Variants in CRK observed in about 807,000 individuals in gnomAD.
CRK encodes the protein CRK proto-oncogene, adaptor protein, also known as adapter molecule crk.
CRK carries 4 observed loss-of-function variants against 29.8 expected under a neutral mutation model. The observed-to-expected ratio is 0.13, with a 90% CI of 0.07 to 0.31. The LOEUF (loss-of-function observed/expected upper bound fraction) is 0.31, where lower values mean the gene tolerates loss of function less well. CRK is among the 10% of genes least tolerant of loss of function. The pLI is 1.00. For synonymous variants in CRK, 153 were observed against 164.9 expected, an observed-to-expected ratio of 0.93 and a Z score of 0.55; for missense variants, 274 against 396.5, an observed-to-expected ratio of 0.69 and a Z score of 2.62.
chr17:1,433,509 C>CA lies in CRK; in HGVS notation c.777+3110_777+3111insT, dbSNP rs2073862298. On this transcript the variant is annotated intron_variant, in intron 2 of 2. Transcript: ENST00000300574. ...CACAGGTGCACACCACCACGCCTGG[C>CA]TTTTTTTTTTTTTTTTTTTTTTTTT... Among the ~76,000 whole-genome samples the CA allele has an allele frequency of 8.5e-5, 5 of 58,596 alleles. No individual in the cohort carries two copies. The Admixed American group carries it at 1.3e-3, about 15-fold the overall frequency. 38.4% of individuals were successfully genotyped at this position (58,596 alleles called of 152,430 possible). A position where few individuals can be genotyped will look rare whatever the true frequency, so the allele number is the denominator to read the frequency against.
Position 1,456,109 on chromosome 17 carries a change from G to A in CRK, c.9C>T (p.Gly3=). MA[G]NFDSEERSSW... ...TACTCCGCTCCTCCGAGTCGAAGTT[G>A]CCCGCCATGGCTGCCTCCGCGCCTA... The change falls in exon 1 of 3, where the codon GGC becomes GGT. Residue 3 remains glycine (G), a synonymous_variant. Coordinates refer to ENST00000300574, the MANE Select transcript of CRK (RefSeq NM_016823.4). 1.9e-6 allele frequency: 3 copies of A among 1,544,316 alleles called. No homozygotes were observed. Among genetic ancestry groups the A allele is most frequent in the South Asian group, 1.2e-5 (1 of 83,984 alleles).
At chr17:1,455,301 G>A (rs2074047231) in intron 1 of CRK, among the ~76,000 whole-genome samples, 1 of 152,090 alleles carries the variant, frequency 6.6e-6, no homozygotes, top group African/African-American at 2.4e-5. Context: ...CCTCCACGGG[G>A]GAAGAGAACG....
chr17:1,434,809 A>AAAT (rs34959105), intron 2 of CRK, among the ~76,000 whole-genome samples: 1 of 150,890 alleles, frequency 6.6e-6, no homozygotes, highest in Non-Finnish European at 1.5e-5. Context: ...AAAAAAAAAA[A>AAAT]TCCAAAAAAA....
At chr17:1,442,981 TTTC>T (rs1296181401) in intron 1 of CRK, among the ~76,000 whole-genome samples, 1 of 98,844 alleles carries the variant, frequency 1.0e-5, no homozygotes, top group Non-Finnish European at 2.5e-5. Flanking sequence ...CCTCCCTTTC[TTTC>T]TTTTTTTTTT....
rs989136034 is a variant in CRK, at chr17:1,456,176, G to A, written c.-59C>T. On this transcript the variant is annotated 5_prime_UTR_variant, in exon 1 of 3. Coordinates refer to ENST00000300574, the MANE Select transcript of CRK (RefSeq NM_016823.4). ...CGCCGCGCGCGCCCCTCCGGCCCCCGGCGCCCGCCGCCCAGCGGACCGGCT... is the reference window on the plus strand; with the variant it reads ...CGCCGCGCGCGCCCCTCCGGCCCCCAGCGCCCGCCGCCCAGCGGACCGGCT... 3.4e-5 allele frequency: 47 copies of A among 1,377,802 alleles called. 1 individual carries two copies. In the Admixed American group the frequency reaches 1.0e-3, roughly 29 times the overall value. 85.3% of individuals were successfully genotyped at this position (1,377,802 alleles called of 1,614,324 possible). A position where few individuals can be genotyped will look rare whatever the true frequency, so the allele number is the denominator to read the frequency against.
At chr17:1,436,571 G>C (rs752765103) in intron 2 of CRK, 49 bp downstream of exon 2, 2 of 1,538,512 alleles carry the variant, frequency 1.3e-6, no homozygotes, top group South Asian at 2.6e-5. Context: ...AGGACCGAGA[G>C]GAGACCCTGC....
intron 2 of CRK, among the ~76,000 whole-genome samples, chr17:1,427,658 C>T (rs2073794155): frequency 2.0e-5 from 3 of 151,770 alleles, no homozygotes; most frequent in African/African-American, 7.3e-5. Context: ...GAGAGAGAGT[C>T]TCACTCTGTC....
chr17:1,424,480 G>A (rs1293819971), intron 2 of CRK: 3 of 152,282 alleles, frequency 2.0e-5, no homozygotes, highest in Non-Finnish European at 4.4e-5. Flanking sequence ...TAGGTCACTT[G>A]GTCCTAGAGA....
chr17:1,434,415 G>A (rs2073871873), intron 2 of CRK, among the ~76,000 whole-genome samples: 1 of 152,162 alleles, frequency 6.6e-6, no homozygotes, highest in Non-Finnish European at 1.5e-5. Context: ...GATAATGCCT[G>A]AAGCTAAGCT....
intron 2 of CRK, among the ~76,000 whole-genome samples, chr17:1,430,792 G>C (rs910952018): frequency 6.6e-6 from 1 of 151,884 alleles, no homozygotes; most frequent in Non-Finnish European, 1.5e-5. Flanking sequence ...CTATGGCCGG[G>C]CGCTGTGGCT....
At chr17:1,444,743 G>T (rs2073961457) in intron 1 of CRK, among the ~76,000 whole-genome samples, 3 of 151,572 alleles carry the variant, frequency 2.0e-5, no homozygotes. Flanking sequence ...TGAGGCAGGA[G>T]AATCGCTGGA....
At chr17:1,437,871 G>A (rs1032559873) in intron 1 of CRK, among the ~76,000 whole-genome samples, 3 of 133,464 alleles carry the variant, frequency 2.2e-5, no homozygotes, top group African/African-American at 8.6e-5. Flanking sequence ...TCACCATGTT[G>A]GCCAGGCTGG....
At chr17:1,453,116 AAGAC>A (rs951841231) in intron 1 of CRK, among the ~76,000 whole-genome samples, 7 of 152,120 alleles carry the variant, frequency 4.6e-5, no homozygotes, top group Non-Finnish European at 1.0e-4. Flanking sequence ...AAGAGAGAAA[AAGAC>A]AGCAACTGAA....
intron 1 of CRK, among the ~76,000 whole-genome samples, chr17:1,442,105 C>A (rs541317482): frequency 6.6e-6 from 1 of 151,530 alleles, no homozygotes; most frequent in Non-Finnish European, 1.5e-5. Context: ...GATCCACTTG[C>A]CTCTGCCTCC....
intron 1 of CRK, among the ~76,000 whole-genome samples, chr17:1,437,756 C>T (rs888308306): frequency 4.0e-5 from 6 of 151,218 alleles, no homozygotes; most frequent in African/African-American, 7.3e-5. Flanking sequence ...CGGGTTCAAG[C>T]GATTCTCCCG....
chr17:1,434,867 G>C (rs2073875559), intron 2 of CRK, among the ~76,000 whole-genome samples: 1 of 150,500 alleles, frequency 6.6e-6, no homozygotes, highest in Non-Finnish European at 1.5e-5. Context: ...CATAAAACTA[G>C]TTTTCTACTC....
chr17:1,431,541 GA>G (rs2073845122), intron 2 of CRK, among the ~76,000 whole-genome samples: 1 of 151,706 alleles, frequency 6.6e-6, no homozygotes, highest in Admixed American at 6.6e-5. Context: ...CTAACACAGT[GA>G]AACCCCATCT....
intron 2 of CRK, chr17:1,424,803 C>T (rs2073761978): frequency 1.3e-5 from 2 of 152,062 alleles, no homozygotes; most frequent in Admixed American, 6.6e-5. Context: ...TGCTTCAGCT[C>T]AGGAGTTTTT....
At chr17:1,442,305 C>G (rs898608222) in intron 1 of CRK, among the ~76,000 whole-genome samples, 1 of 151,882 alleles carries the variant, frequency 6.6e-6, no homozygotes, top group Non-Finnish European at 1.5e-5. Flanking sequence ...TAGGCGCACA[C>G]CACACCTGGC....
Sources: gnomAD v4.1 joint callset for allele counts (sites outside exome capture counted in the v4.1 genomes callset) on GRCh38, gnomAD v4.1.1 for gene constraint, MANE v1.5 for transcripts, NCBI Gene and HGNC (gene_info 2026-07-23, HGNC 2026-07-21) for gene names.